The following UBE2L6 variants were observed in gnomAD, a reference collection of about 807,000 sequenced individuals.
The protein encoded by UBE2L6 is ubiquitin/ISG15-conjugating enzyme E2 L6.
A neutral mutation model predicts 13.6 loss-of-function variants in UBE2L6; 11 were observed. The ratio of observed to expected loss-of-function variants is 0.81; its 90% CI spans 0.51 to 1.34. The LOEUF is 1.34. UBE2L6 is among the 40% of genes most tolerant of loss of function. The pLI is 0.00. For missense variants in UBE2L6, 197 were observed against 199.5 expected (o/e 0.99, Z 0.07); for synonymous variants, 74 against 83.2 (o/e 0.89, Z 0.60).
intron 1 of UBE2L6, chr11:57,566,907 C>CA: frequency 4.6e-6 from 2 of 436,166 alleles, no homozygotes; most frequent in Non-Finnish European, 9.2e-6. Flanking sequence ...CTGATAGGAA[C>CA]AAAATTCAAC....
Position 57,560,401 on chromosome 11 carries a change from G to A in UBE2L6, c.59C>T (p.Pro20Leu), listed in dbSNP as rs549126873. Residue 20 changes from proline (P) to leucine (L), a missense_variant, in exon 2 of 4, where the codon CCA becomes CTA. Physicochemically the swap from Pro to Leu is moderately conservative, Grantham distance 98. Coordinates refer to ENST00000287156, the MANE Select transcript of UBE2L6 (RefSeq NM_004223.5). Reference sequence around the variant, plus strand: ...ATCGCTGGACAGGTTCCGCAGGTATGGGGGAGGCTTCTTCTGAAGATCCTC... The same window carrying A: ...ATCGCTGGACAGGTTCCGCAGGTATAGGGGAGGCTTCTTCTGAAGATCCTC... ...ELEDLQKKPP[P>L]YLRNLSSDDA... 2.7e-5 allele frequency: 43 copies of A among 1,613,708 alleles called. No homozygotes were observed. In the South Asian group the frequency reaches 4.2e-4, roughly 16 times the overall value.
At chr11:57,554,737 C>T in intron 2 of UBE2L6, 114 bp from the exon 3 acceptor site, 1 of 1,079,612 alleles carries the variant, frequency 9.3e-7, no homozygotes. Flanking sequence ...TGAGCCAGGA[C>T]ACACACAGCA....
At chr11:57,565,853 T>C (rs1945087046) in intron 1 of UBE2L6, among the ~76,000 whole-genome samples, 1 of 152,176 alleles carries the variant, frequency 6.6e-6, no homozygotes, top group African/African-American at 2.4e-5. Context: ...ACTGAAGCTC[T>C]CCAAACCCAG....
chr11:57,553,812 C>T (rs1321175508), intron 3 of UBE2L6, among the ~76,000 whole-genome samples: 4 of 152,070 alleles, frequency 2.6e-5, no homozygotes, highest in South Asian at 4.1e-4. Flanking sequence ...GGCGACAGAG[C>T]GAGACTCTGT....
At position 57,552,310 on chromosome 11, in the gene UBE2L6, T is replaced by C. The variant is rs776467211; in HGVS notation, c.*48A>G. On this transcript the variant is annotated 3_prime_UTR_variant, in exon 4 of 4. Transcript: ENST00000287156. The stretch of plus-strand genomic sequence containing the variant: ...CTCTGGCCTCAGTCCATGAGGTGTG[T>C]CCGTCCGCTATGCCGAGGATCCAGT... 6.2e-7 allele frequency: 1 copy of C among 1,607,956 alleles called. No individual in the cohort carries two copies. The highest frequency in any genetic ancestry group is 1.1e-5 in the South Asian group (1 of 90,356).
At chr11:57,552,872 A>T (rs1944970010) in intron 3 of UBE2L6, among the ~76,000 whole-genome samples, 1 of 152,192 alleles carries the variant, frequency 6.6e-6, no homozygotes, top group Admixed American at 6.5e-5. Context: ...AAGAGGTCTA[A>T]GGCTAAAGAC....
At chr11:57,562,908 A>G (rs1011789236) in intron 1 of UBE2L6, among the ~76,000 whole-genome samples, 4 of 152,160 alleles carry the variant, frequency 2.6e-5, no homozygotes, top group African/African-American at 9.7e-5. Context: ...AAAGACTATA[A>G]TAAATACCTA....
intron 1 of UBE2L6, 191 bp from the exon 2 acceptor site, chr11:57,560,623 CTTTT>C (rs11301277): frequency 1.0e-3 from 380 of 375,370 alleles, no homozygotes; most frequent in South Asian, 1.8e-3. Flanking sequence ...TTTCTTTTTT[CTTTT>C]TTTTTTTTTT....
chr11:57,567,601 C>T lies in UBE2L6; in HGVS notation c.11G>A (p.Ser4Asn), dbSNP rs1254431267. Residue 4 changes from serine to asparagine, a missense_variant, in exon 1 of 4, where the codon AGC becomes AAC. Coordinates refer to ENST00000287156, the MANE Select transcript of UBE2L6 (RefSeq NM_004223.5). The stretch of plus-strand genomic sequence containing the variant: ...CGCGGTTACCTTCACCACTCGCATG[C>T]TCGCCATCATGTCGGGACCGAGTGT... MMA[S>N]MRVVKELEDL... The T allele has an allele frequency of 1.9e-6, 3 of 1,608,426 alleles. No individual in the cohort carries two copies. Among genetic ancestry groups the T allele is most frequent in the Non-Finnish European group, 2.5e-6 (3 of 1,178,370 alleles).
intron 1 of UBE2L6, chr11:57,567,243 C>A (rs1945099934): frequency 2.1e-6 from 1 of 473,340 alleles, no homozygotes; most frequent in African/African-American, 2.0e-5. Flanking sequence ...ATGCCTGGCA[C>A]CAAGATGCCA....
intron 2 of UBE2L6, among the ~76,000 whole-genome samples, chr11:57,556,397 C>G (rs1419739106): frequency 6.6e-6 from 1 of 151,808 alleles, no homozygotes; most frequent in Non-Finnish European, 1.5e-5. Flanking sequence ...CAAACCTGAC[C>G]AACATGGAGA....
At chr11:57,566,932 T>G (rs1945096151) in intron 1 of UBE2L6, 1 of 337,460 alleles carries the variant, frequency 3.0e-6, no homozygotes, top group African/African-American at 2.7e-5. Flanking sequence ...GCCGGATTTG[T>G]GTTCATCTCT....
chr11:57,566,943 G>GACCCCC, intron 1 of UBE2L6: 1 of 75,880 alleles, frequency 1.3e-5, no homozygotes, highest in Non-Finnish European at 2.7e-5. Context: ...GTTCATCTCT[G>GACCCCC]CCCGCCCCCC....
intron 1 of UBE2L6, 178 bp from the exon 2 acceptor site, chr11:57,560,610 CTTTTTCT>C: frequency 1.9e-6 from 1 of 526,362 alleles, no homozygotes. Context: ...GGTGCTGGTG[CTTTTTCT>C]TTTTTCTTTT....
Position 57,552,429 on chromosome 11 carries a change from G to A in UBE2L6, c.391C>T (p.Gln131Ter), listed in dbSNP as rs1268234148. Reference protein sequence around the residue: ...LRMDLADLLTQNPELFRKNAE... With the variant: ...LRMDLADLLT ...TTCTTTCTGAACAGCTCCGGATTCT[G>A]TGTCAGCAGGTCAGCGAGGTCCATC... Residue 131 changes from glutamine (Q) to a stop codon, truncating the protein, a stop_gained, in exon 4 of 4, where the codon CAG (glutamine) becomes TAG (stop). Transcript: ENST00000287156. LOFTEE classifies it low-confidence loss of function (END_TRUNC). 6.2e-7 allele frequency: 1 copy of A among 1,614,200 alleles called. No individual in the cohort carries two copies. The highest frequency in any genetic ancestry group is 8.5e-7 in the Non-Finnish European group (1 of 1,180,048).
At chr11:57,563,248 G>A (rs963442224) in intron 1 of UBE2L6, among the ~76,000 whole-genome samples, 4 of 151,994 alleles carry the variant, frequency 2.6e-5, no homozygotes, top group Non-Finnish European at 5.9e-5. Context: ...CCAGCACTTT[G>A]GGAGGCCGAG....
intron 1 of UBE2L6, chr11:57,566,951 C>T (rs565152460): frequency 3.1e-5 from 5 of 159,038 alleles, no homozygotes; most frequent in Admixed American, 7.4e-5. Context: ...CTGCCCGCCC[C>T]CCCCCCCCTC....
chr11:57,558,924 A>T (rs549696038), intron 2 of UBE2L6, among the ~76,000 whole-genome samples: 1 of 151,896 alleles, frequency 6.6e-6, no homozygotes, highest in South Asian at 2.1e-4. Flanking sequence ...TTTCTTCAGG[A>T]CTCCTATATG....
chr11:57,552,630 TTACTC>T (rs1482054055), intron 3 of UBE2L6, 121 bp from the exon 4 acceptor site: 1 of 1,300,164 alleles, frequency 7.7e-7, no homozygotes. Flanking sequence ...TCGCTTAGGA[TTACTC>T]TACGACCAGA....
Sources: allele counts gnomAD v4.1 joint callset (sites outside exome capture counted in the v4.1 genomes callset), GRCh38; gene constraint gnomAD v4.1.1; transcripts MANE v1.5; gene names NCBI Gene and HGNC (gene_info 2026-07-23, HGNC 2026-07-21).